Variants in INPP5A observed in about 807,000 individuals in gnomAD.
INPP5A encodes the protein inositol polyphosphate-5-phosphatase A.
In INPP5A, 14 loss-of-function variants were observed where a neutral mutation model predicts 65.2. That is an observed-to-expected ratio of 0.21 (90% CI 0.14 to 0.34). The LOEUF (loss-of-function observed/expected upper bound fraction) is 0.34. Ranked by LOEUF, INPP5A falls within the 10% of genes least tolerant of loss-of-function variation. The probability of loss-of-function intolerance (pLI) is 1.00; values close to 1 mark genes in which losing one functional copy is unlikely to be tolerated. For missense variants in INPP5A, 431 were observed against 545.6 expected, an observed-to-expected ratio of 0.79 and a Z score of 2.09; for synonymous variants, 207 against 208.3, an observed-to-expected ratio of 0.99 and a Z score of 0.05.
At chr10:132,717,567 G>A (rs1161096152) in intron 8 of INPP5A, among the ~76,000 whole-genome samples, 2 of 149,904 alleles carry the variant, frequency 1.3e-5, no homozygotes, top group Admixed American at 6.6e-5. Flanking sequence ...TCTGTCTGAG[G>A]GCGCCTTAGA....
rs1284511165 is a variant in INPP5A, at chr10:132,657,264, G to A, written c.306+6759G>A. On this transcript the variant is annotated intron_variant, in intron 4 of 15. Coordinates refer to ENST00000368594, the MANE Select transcript of INPP5A (RefSeq NM_005539.5). ...GCTTACCCCTCTCCCACCCGCTAGCGCTGCCTTTGCACCTCGGAGGGCAGG... is the reference window on the plus strand; with the variant it reads ...GCTTACCCCTCTCCCACCCGCTAGCACTGCCTTTGCACCTCGGAGGGCAGG... 2.6e-5 allele frequency among the ~76,000 whole-genome samples: 4 copies of A among 152,330 alleles called. 1 individual carries two copies. Among genetic ancestry groups the A allele is most frequent in the South Asian group, 2.1e-4 (1 of 4,830 alleles).
intron 4 of INPP5A, among the ~76,000 whole-genome samples, chr10:132,657,431 G>A (rs904779016): frequency 6.6e-6 from 1 of 152,334 alleles, no homozygotes. Context: ...TGTGGAGAGT[G>A]AAGTGGGGCA....
In INPP5A at chr10:132,705,280, G is replaced by A. The variant is rs1315743128; in HGVS notation, c.475-3033G>A. 6.6e-6 allele frequency among the ~76,000 whole-genome samples: 1 copy of A among 152,216 alleles called. No individual in the cohort carries two copies. Among genetic ancestry groups the A allele is most frequent in the Admixed American group, 6.5e-5 (1 of 15,286 alleles). ...GGAGGCGGACATGTTTGGAATCAGA[G>A]ACAAGTGTCTGGTGCAGCACGCAGG... On this transcript the variant is annotated intron_variant, in intron 6 of 15. Coordinates refer to ENST00000368594, the MANE Select transcript of INPP5A (RefSeq NM_005539.5). This position sits in a 1 kb window ranked among gnomAD's most constrained non-coding sequence, Gnocchi z 4.9.
chr10:132,756,498 C>T (rs1440978411), intron 11 of INPP5A, among the ~76,000 whole-genome samples: 1 of 152,198 alleles, frequency 6.6e-6, no homozygotes, highest in Admixed American at 6.5e-5. Flanking sequence ...GATAATCTGA[C>T]GATAGGACTG....
At chr10:132,653,808 C>T (rs1376809438) in intron 4 of INPP5A, among the ~76,000 whole-genome samples, 1 of 152,236 alleles carries the variant, frequency 6.6e-6, no homozygotes, top group Non-Finnish European at 1.5e-5. Flanking sequence ...GCAGATCGTA[C>T]GGCAGCCTTC....
chr10:132,580,048 A>C (rs1564923126), intron 1 of INPP5A, among the ~76,000 whole-genome samples: 1 of 151,342 alleles, frequency 6.6e-6, no homozygotes, highest in East Asian at 1.9e-4. Context: ...CTTTGCTGGC[A>C]GCTCCCAGGG....
At chr10:132,576,075 T>TCTGCCCTTCCCTGCCA (rs1375138226) in intron 1 of INPP5A, among the ~76,000 whole-genome samples, 1 of 152,180 alleles carries the variant, frequency 6.6e-6, no homozygotes, top group Non-Finnish European at 1.5e-5. Context: ...GTGACCAGAC[T>TCTGCCCTTCCCTGCCA]CTGCCCTTCC....
At chr10:132,646,771 C>T (rs1024555706) in intron 3 of INPP5A, among the ~76,000 whole-genome samples, 5 of 151,894 alleles carry the variant, frequency 3.3e-5, no homozygotes, top group African/African-American at 4.8e-5. Flanking sequence ...CTCTGTGGGC[C>T]GACGCCGCTG....
At chr10:132,578,777 C>T (rs1217783320) in intron 1 of INPP5A, among the ~76,000 whole-genome samples, 2 of 151,632 alleles carry the variant, frequency 1.3e-5, no homozygotes, top group Non-Finnish European at 1.5e-5. Flanking sequence ...TGGGTCTGGG[C>T]TCCAGGAGAG....
At position 132,587,808 on chromosome 10, in the gene INPP5A, C is replaced by T. The variant is rs1004700585; in HGVS notation, c.76-20107C>T. Among the ~76,000 whole-genome samples the T allele has an allele frequency of 2.6e-5, 4 of 151,660 alleles. No homozygotes were observed. The highest frequency in any genetic ancestry group is 4.4e-5 in the Non-Finnish European group (3 of 67,922). On this transcript the variant is annotated intron_variant, in intron 1 of 15. Coordinates refer to ENST00000368594, the MANE Select transcript of INPP5A (RefSeq NM_005539.5). The surrounding 1 kb of genome is among the most constrained non-coding windows in gnomAD (Gnocchi z 4.3). ...GGCAGATTATCTGAGGCCAGGAATT[C>T]GTGACTAGCCTGACCAACATGGTGA...
chr10:132,782,388 C>A lies in INPP5A; in HGVS notation c.*359C>A. On this transcript the variant is annotated 3_prime_UTR_variant, in exon 16 of 16. Transcript: ENST00000368594. This position sits in a 1 kb window ranked among gnomAD's most constrained non-coding sequence, Gnocchi z 4.4. ...TGGAGGGGCTTCTTCAGCACAGAGACCCCCCACTGTGTCCAGGGACCCCCT... is the reference window on the plus strand; with the variant it reads ...TGGAGGGGCTTCTTCAGCACAGAGAACCCCCACTGTGTCCAGGGACCCCCT... 3.2e-6 allele frequency: 1 copy of A among 314,990 alleles called. No individual in the cohort carries two copies. 19.5% of individuals were successfully genotyped at this position (314,990 alleles called of 1,614,324 possible).
intron 11 of INPP5A, among the ~76,000 whole-genome samples, chr10:132,751,567 C>G (rs985954839): frequency 2.0e-5 from 3 of 152,218 alleles, no homozygotes; most frequent in Non-Finnish European, 4.4e-5. Flanking sequence ...CCGGCCTCGT[C>G]AGTGGGGAGC....
intron 8 of INPP5A, among the ~76,000 whole-genome samples, chr10:132,722,425 G>A (rs997683926): frequency 1.3e-4 from 20 of 152,288 alleles, no homozygotes; most frequent in South Asian, 8.3e-4. Context: ...ATTCGAGTCT[G>A]ATATTTTTTA....
In INPP5A at chr10:132,782,210, A is replaced by G; in HGVS notation, c.*181A>G. ...ATTCCGGAGCAGCCTCACATACCTC[A>G]CTGTCTCGTCTGTCTATGTGACATT... On this transcript the variant is annotated 3_prime_UTR_variant, in exon 16 of 16. Transcript: ENST00000368594. This position sits in a 1 kb window ranked among gnomAD's most constrained non-coding sequence, Gnocchi z 4.4. 1.3e-6 allele frequency: 1 copy of G among 764,938 alleles called. No homozygotes were observed. The highest frequency in any genetic ancestry group is 2.1e-6 in the Non-Finnish European group (1 of 477,746). The allele number at this position is 764,938 out of a possible 1,614,324, so 47.4% of individuals were successfully genotyped here.
At chr10:132,631,697 G>A (rs183430641) in intron 2 of INPP5A, among the ~76,000 whole-genome samples, 26 of 152,226 alleles carry the variant, frequency 1.7e-4, no homozygotes, top group Non-Finnish European at 2.9e-4. Context: ...GGGGCCCTTC[G>A]TGCTGGGCCC....
intron 2 of INPP5A, among the ~76,000 whole-genome samples, chr10:132,636,863 G>A (rs992029025): frequency 2.0e-5 from 3 of 152,174 alleles, no homozygotes; most frequent in Non-Finnish European, 2.9e-5. Context: ...GTCTTAGTGC[G>A]TATGTTGGGT....
At chr10:132,747,281 C>T (rs1322064516) in intron 9 of INPP5A, among the ~76,000 whole-genome samples, 2 of 152,272 alleles carry the variant, frequency 1.3e-5, no homozygotes, top group African/African-American at 4.8e-5. Context: ...TTCTAATCCT[C>T]ACGCTGTTTG....
intron 1 of INPP5A, among the ~76,000 whole-genome samples, chr10:132,579,917 A>G (rs2071460795): frequency 7.8e-6 from 1 of 127,974 alleles, no homozygotes; most frequent in African/African-American, 2.8e-5. Context: ...CCTGTTTAAA[A>G]GTTTTTTTTT....
At chr10:132,617,084 T>G (rs1268170160) in intron 2 of INPP5A, among the ~76,000 whole-genome samples, 3 of 152,144 alleles carry the variant, frequency 2.0e-5, no homozygotes, top group South Asian at 2.1e-4. Context: ...CTGCAGGCTC[T>G]CTCTCCCTCC....
Sources: allele counts gnomAD v4.1 joint callset (sites outside exome capture counted in the v4.1 genomes callset), GRCh38; gene constraint gnomAD v4.1.1; non-coding constraint Gnocchi (gnomAD v3.1); transcripts MANE v1.5; gene names NCBI Gene and HGNC (gene_info 2026-07-23, HGNC 2026-07-21).